The following CWH43 variants were observed in gnomAD, a reference collection of about 807,000 sequenced individuals.
CWH43 encodes the protein cell wall biogenesis 43 C-terminal homolog.
CWH43 carries 91 observed loss-of-function variants against 85.7 expected under a neutral mutation model. The ratio of observed to expected loss-of-function variants is 1.06; its 90% CI spans 0.90 to 1.26. The LOEUF (loss-of-function observed/expected upper bound fraction) is 1.26. CWH43 is among the 50% of genes most tolerant of loss of function. The pLI, the probability that CWH43 is intolerant of heterozygous loss-of-function variation, is 0.00. For missense variants in CWH43, 869 were observed against 839.2 expected (o/e 1.04, Z -0.44); for synonymous variants, 323 against 293.6 (o/e 1.10, Z -1.02).
rs1466130143 is a variant in CWH43, at chr4:48,995,277, GC to G, written c.713+461del. On this transcript the variant is annotated intron_variant, in intron 5 of 15. Coordinates refer to ENST00000226432, the MANE Select transcript of CWH43 (RefSeq NM_025087.3). ...TCTCTATTCTCAGCAAAGGAGGGCA[GC>G]CCCAGGAGATCCCTGCATCTTCTGG... Among the ~76,000 whole-genome samples the G allele has an allele frequency of 3.9e-5, 6 of 152,322 alleles. No individual in the cohort carries two copies. The East Asian group carries it at 1.2e-3, about 29-fold the overall frequency.
At chr4:49,047,686 T>G (rs1784669796) in intron 14 of CWH43, among the ~76,000 whole-genome samples, 1 of 146,260 alleles carries the variant, frequency 6.8e-6, no homozygotes. Flanking sequence ...TGGGGTGGAG[T>G]GGGGTGAGGG....
chr4:49,021,961 T>C (rs1783762307), intron 9 of CWH43, among the ~76,000 whole-genome samples: 1 of 152,116 alleles, frequency 6.6e-6, no homozygotes, highest in African/African-American at 2.4e-5. Flanking sequence ...GGTGGAGTCT[T>C]TGGGGTTTTC....
chr4:49,017,473 A>T, intron 9 of CWH43, 145 bp downstream of exon 9: 1 of 542,220 alleles, frequency 1.8e-6, no homozygotes, highest in Non-Finnish European at 3.2e-6. Context: ...TGCCAGACTG[A>T]TAAGATAGTG....
At chr4:49,037,781 G>T (rs1291671015) in intron 12 of CWH43, among the ~76,000 whole-genome samples, 1 of 152,148 alleles carries the variant, frequency 6.6e-6, no homozygotes. Context: ...ATTTAGAGTA[G>T]ATCTTTAAAT....
At chr4:49,032,054 A>G (rs903603533) in intron 11 of CWH43, among the ~76,000 whole-genome samples, 31 of 152,220 alleles carry the variant, frequency 2.0e-4, no homozygotes, top group African/African-American at 7.2e-4. Flanking sequence ...CAGAGACTCC[A>G]TGAAGGTGAC....
intron 13 of CWH43, among the ~76,000 whole-genome samples, chr4:49,041,171 G>A (rs1331153564): frequency 1.3e-5 from 2 of 152,286 alleles, no homozygotes; most frequent in East Asian, 1.9e-4. Flanking sequence ...TTGAAGTCAG[G>A]TAGCATGATG....
rs1263306529 is a variant in CWH43, at chr4:49,019,905, G to T, written c.1266+2577G>T. Among the ~76,000 whole-genome samples, 3 of 152,002 alleles carry T rather than the reference G, an allele frequency of 2.0e-5. No individual in the cohort carries two copies. In the East Asian group the frequency reaches 5.8e-4, roughly 29 times the overall value. ...ATTGTCAATTGTTTTTGGGCAGGTG[G>T]TTTTTGGTTATGTGGATAAGTTCTT... On this transcript the variant is annotated intron_variant, in intron 9 of 15. Coordinates refer to ENST00000226432, the MANE Select transcript of CWH43 (RefSeq NM_025087.3).
intron 9 of CWH43, among the ~76,000 whole-genome samples, chr4:49,026,576 A>G (rs1783924800): frequency 7.2e-6 from 1 of 138,880 alleles, no homozygotes; most frequent in African/African-American, 2.7e-5. Flanking sequence ...AGTTCATTGT[A>G]TAACTCATGC....
intron 12 of CWH43, among the ~76,000 whole-genome samples, chr4:49,034,597 G>A (rs1489682951): frequency 6.6e-6 from 1 of 152,092 alleles, no homozygotes; most frequent in Non-Finnish European, 1.5e-5. Flanking sequence ...GACAACAATA[G>A]CAGTAACAAT....
In CWH43 at chr4:48,991,529, T is replaced by G. The variant is rs770150995; in HGVS notation, c.311T>G (p.Leu104Arg). 4 of 1,614,088 alleles carry G rather than the reference T, an allele frequency of 2.5e-6. No individual in the cohort carries two copies. The Admixed American group carries it at 6.7e-5, about 27-fold the overall frequency. The change falls in exon 3 of 16, where the codon CTG (leucine) becomes CGG (arginine). Residue 104 changes from leucine (L) to arginine (R), a missense_variant. Leu to Arg is a moderately radical substitution (Grantham distance 102, BLOSUM62 -2). Coordinates refer to ENST00000226432, the MANE Select transcript of CWH43 (RefSeq NM_025087.3). ...CTTGCGCTTGGGGTGTCTTCCTCAC[T>G]GATAGTGCAAGCTGTGACTTGGTGG... ...MVLALGVSSS[L>R]IVQAVTWWSG...
chr4:49,023,862 T>C (rs1783822262), intron 9 of CWH43, among the ~76,000 whole-genome samples: 1 of 152,214 alleles, frequency 6.6e-6, no homozygotes, highest in Non-Finnish European at 1.5e-5. Flanking sequence ...ATCTGTTAAG[T>C]CCATTTGTTC....
chr4:49,057,396 G>A (rs1049268538), intron 15 of CWH43, among the ~76,000 whole-genome samples: 3 of 152,186 alleles, frequency 2.0e-5, no homozygotes, highest in African/African-American at 7.2e-5. Context: ...ATTCTTTTGA[G>A]TTTCTGATTA....
chr4:49,017,867 A>T (rs563054895), intron 9 of CWH43, among the ~76,000 whole-genome samples: 1 of 151,132 alleles, frequency 6.6e-6, no homozygotes, highest in South Asian at 2.1e-4. Context: ...ATGGAGTCTC[A>T]CTCTGCCGCC....
chr4:49,045,638 T>C (rs1204197989), intron 14 of CWH43, among the ~76,000 whole-genome samples: 1 of 152,202 alleles, frequency 6.6e-6, no homozygotes, highest in Admixed American at 6.5e-5. Flanking sequence ...TGTAGTAGGC[T>C]ATACCATCCA....
chr4:49,041,638 T>C (rs536371061), intron 13 of CWH43, among the ~76,000 whole-genome samples: 34 of 152,332 alleles, frequency 2.2e-4, no homozygotes, highest in African/African-American at 7.0e-4. Context: ...CTTAAGGAGA[T>C]GTATTTCTTT....
intron 15 of CWH43, among the ~76,000 whole-genome samples, chr4:49,057,599 G>A (rs1448967028): frequency 1.3e-5 from 2 of 152,134 alleles, no homozygotes; most frequent in East Asian, 1.9e-4. Flanking sequence ...GCGGCTGTTG[G>A]GTGAAATGCT....
rs774400163 is a variant in CWH43, at chr4:49,044,832, A to G, written c.1850A>G (p.Tyr617Cys). 3 of 1,612,948 alleles carry G rather than the reference A, an allele frequency of 1.9e-6. No individual in the cohort carries two copies. The highest frequency in any genetic ancestry group is 3.3e-5 in the Admixed American group (2 of 59,972). The change falls in exon 14 of 16, where the codon TAT (tyrosine) becomes TGT (cysteine). Residue 617 changes from tyrosine (Y) to cysteine (C), a missense_variant. Transcript: ENST00000226432. Reference sequence around the variant, plus strand: ...GACAGATGGTGTGAATACATTATGTATCGAGGGCTGATCAGGTGAGCACAG... The same window carrying G: ...GACAGATGGTGTGAATACATTATGTGTCGAGGGCTGATCAGGTGAGCACAG... ...DHDRWCEYIM[Y>C]RGLIRLGYAR...
At chr4:49,013,948 G>A (rs1198272159) in intron 8 of CWH43, among the ~76,000 whole-genome samples, 3 of 152,124 alleles carry the variant, frequency 2.0e-5, no homozygotes, top group Non-Finnish European at 4.4e-5. Flanking sequence ...TGAAGACAGC[G>A]TGTTAAGTAG....
intron 15 of CWH43, among the ~76,000 whole-genome samples, chr4:49,054,578 A>T (rs1265669905): frequency 6.6e-6 from 1 of 152,106 alleles, no homozygotes; most frequent in Non-Finnish European, 1.5e-5. Context: ...ATTACATTGA[A>T]TCTGCAGATT....
Sources: gnomAD v4.1 joint callset for allele counts (sites outside exome capture counted in the v4.1 genomes callset) on GRCh38, gnomAD v4.1.1 for gene constraint, MANE v1.5 for transcripts, NCBI Gene and HGNC (gene_info 2026-07-23, HGNC 2026-07-21) for gene names.